Variants in TENT5D observed in about 807,000 individuals in gnomAD.
TENT5D encodes the protein cancer/testis antigen 112.
For synonymous variants in TENT5D, 103 were observed against 100.6 expected (o/e 1.02, Z -0.15); for missense variants, 191 against 287.0 (o/e 0.67, Z 2.42).
At chrX:80,343,182 C>A (rs1487397061) in intron 3 of TENT5D, among the ~76,000 whole-genome samples, 1 of 111,288 alleles carries the variant, frequency 9.0e-6, no homozygotes, top group Admixed American at 9.6e-5. Context: ...TCAGATATTA[C>A]ATGTTTCTTG....
At chrX:80,399,236 T>C (rs771355251) in intron 3 of TENT5D, among the ~76,000 whole-genome samples, 2 of 112,385 alleles carry the variant, frequency 1.8e-5, no homozygotes, top group South Asian at 3.7e-4. Flanking sequence ...AGTTGTCTTA[T>C]AGTTTCAAGT....
intron 1 of TENT5D, among the ~76,000 whole-genome samples, chrX:80,421,036 T>G (rs1931872722): frequency 8.9e-6 from 1 of 112,451 alleles, no homozygotes; most frequent in Admixed American, 9.4e-5. Flanking sequence ...TCAAATGTTT[T>G]TAATTACTAC....
At chrX:80,353,222 G>A (rs768056052) in intron 3 of TENT5D, among the ~76,000 whole-genome samples, 22 of 112,397 alleles carry the variant, frequency 2.0e-4, no homozygotes, top group Non-Finnish European at 3.2e-4. Context: ...TTTGTAAGAT[G>A]TGTGACTTGC....
chrX:80,369,057 T>C (rs1310882631), intron 3 of TENT5D, among the ~76,000 whole-genome samples: 1 of 112,000 alleles, frequency 8.9e-6, no homozygotes, highest in Non-Finnish European at 1.9e-5. Context: ...CCCAGAGATA[T>C]AAAATATTTC....
At chrX:80,419,026 A>AT (rs1312231819), upstream of TENT5D, among the ~76,000 whole-genome samples, 1 of 110,569 alleles carries the variant, frequency 9.0e-6, no homozygotes, top group African/African-American at 3.3e-5. Context: ...TTTGTTTTTT[A>AT]TTTTTTTCAA....
intron 2 of TENT5D, among the ~76,000 whole-genome samples, chrX:80,340,647 C>T (rs962782986): frequency 1.3e-4 from 14 of 111,159 alleles, no homozygotes; most frequent in Non-Finnish European, 1.9e-4. Context: ...CATAGTTTCT[C>T]AAGCAGAACT....
At chrX:80,353,654 C>G (rs752520557) in intron 3 of TENT5D, among the ~76,000 whole-genome samples, 1 of 111,891 alleles carries the variant, frequency 8.9e-6, no homozygotes, top group African/African-American at 3.2e-5. Flanking sequence ...GTGTGTGTAC[C>G]CCATTTTTTA....
At chrX:80,359,857 C>T (rs1930368792) in intron 3 of TENT5D, among the ~76,000 whole-genome samples, 1 of 111,568 alleles carries the variant, frequency 9.0e-6, no homozygotes, top group Admixed American at 9.6e-5. Flanking sequence ...TACGTTAAAT[C>T]CTAACTGGGA....
At chrX:80,410,487 G>GA (rs1931632172) in intron 3 of TENT5D, among the ~76,000 whole-genome samples, 1 of 91,901 alleles carries the variant, frequency 1.1e-5, no homozygotes, top group Non-Finnish European at 2.2e-5. Context: ...AAAAACACAT[G>GA]AAAAAATGCT....
At chrX:80,362,592 A>G (rs1930430977) in intron 3 of TENT5D, among the ~76,000 whole-genome samples, 1 of 110,919 alleles carries the variant, frequency 9.0e-6, no homozygotes, top group Non-Finnish European at 1.9e-5. Flanking sequence ...TTGCTTTTTT[A>G]TTTTCCTTGC....
chrX:80,370,603 C>G (rs1930606341), intron 3 of TENT5D, among the ~76,000 whole-genome samples: 1 of 111,907 alleles, frequency 8.9e-6, no homozygotes, highest in African/African-American at 3.2e-5. Flanking sequence ...CTTTAAATGG[C>G]TGCTTAATAG....
exon 3 of TENT5D, chrX:80,443,486 A>T (rs745569596): frequency 1.2e-5 from 14 of 1,209,380 alleles, no homozygotes; most frequent in Admixed American, 2.2e-5. Flanking sequence ...CTCATGAGTT[A>T]TGAAAGAAGA....
intron 3 of TENT5D, among the ~76,000 whole-genome samples, chrX:80,390,726 G>A (rs1931107611): frequency 9.0e-6 from 1 of 111,015 alleles, no homozygotes; most frequent in South Asian, 3.8e-4. Flanking sequence ...TGGAGGAATC[G>A]CAGTTTCTAG....
intron 3 of TENT5D, among the ~76,000 whole-genome samples, chrX:80,379,934 A>C (rs775897600): frequency 1.9e-5 from 2 of 107,410 alleles, no homozygotes; most frequent in East Asian, 6.1e-4. Flanking sequence ...ATTTTTTTGA[A>C]GGGTTTTTTG....
At chrX:80,411,406 G>A (rs1931662970) in intron 3 of TENT5D, among the ~76,000 whole-genome samples, 1 of 111,580 alleles carries the variant, frequency 9.0e-6, no homozygotes, top group Admixed American at 9.5e-5. Flanking sequence ...TGAACTTACT[G>A]TTTTATCCTA....
chrX:80,424,539 G>C (rs1001798821), intron 1 of TENT5D, among the ~76,000 whole-genome samples: 3 of 112,192 alleles, frequency 2.7e-5, no homozygotes, highest in Non-Finnish European at 5.6e-5. Flanking sequence ...TTGAGTGGTA[G>C]TTGGAGATTG....
intron 3 of TENT5D, among the ~76,000 whole-genome samples, chrX:80,405,657 G>A (rs1242001229): frequency 8.9e-6 from 1 of 111,884 alleles, no homozygotes; most frequent in African/African-American, 3.3e-5. Context: ...CAAACTGCAA[G>A]GCGGCAGCGA....
At chrX:80,419,475 A>G (rs745414547), upstream of TENT5D, among the ~76,000 whole-genome samples, 8 of 112,131 alleles carry the variant, frequency 7.1e-5, no homozygotes, top group Non-Finnish European at 1.5e-4. Flanking sequence ...TAAATTATCT[A>G]TCTTAAAAAT....
At chrX:80,395,159 C>T (rs1931216904) in intron 3 of TENT5D, among the ~76,000 whole-genome samples, 1 of 111,831 alleles carries the variant, frequency 8.9e-6, no homozygotes. Context: ...TTAATGTAAG[C>T]TTTTCAGGTT....
Sources: allele counts gnomAD v4.1 joint callset (sites outside exome capture counted in the v4.1 genomes callset), GRCh38; gene constraint gnomAD v4.1.1; transcripts MANE v1.5; gene names NCBI Gene and HGNC (gene_info 2026-07-23, HGNC 2026-07-21).